The following MFF variants were observed in gnomAD, a reference collection of about 807,000 sequenced individuals.
MFF encodes the protein chromosome 2 open reading frame 33.
MFF carries 12 observed loss-of-function variants against 36.9 expected under a neutral mutation model. That is an observed-to-expected ratio of 0.33 (90% CI 0.21 to 0.53). The LOEUF is 0.53. Ranked by LOEUF, MFF falls within the 20% of genes least tolerant of loss-of-function variation. MFF has a pLI of 0.95. For missense variants in MFF, 348 were observed against 366.6 expected (o/e 0.95, Z 0.42); for synonymous variants, 99 against 126.2 (o/e 0.78, Z 1.44).
At chr2:227,329,819 A>T in intron 2 of MFF, 1 of 1,397,320 alleles carries the variant, frequency 7.2e-7, no homozygotes, top group African/African-American at 2.0e-5. Flanking sequence ...CTGGTATTAT[A>T]GGTTTGAGAG....
chr2:227,331,520 T>C (rs2074569061), intron 3 of MFF, among the ~76,000 whole-genome samples: 1 of 152,250 alleles, frequency 6.6e-6, no homozygotes, highest in Admixed American at 6.5e-5. Flanking sequence ...TTCATATCTT[T>C]AGGAGTGAAA....
chr2:227,328,313 A>C lies in MFF; in HGVS notation c.-152-365A>C, dbSNP rs1244509932. ...CGGGTGACAAAAAAAAAAAAAAAAAAAAAAAAACCAATTCATTTGTTCTTC... is the reference window on the plus strand; with the variant it reads ...CGGGTGACAAAAAAAAAAAAAAAAACAAAAAAACCAATTCATTTGTTCTTC... On this transcript the variant is annotated intron_variant, in intron 1 of 8. Transcript: ENST00000304593. Among the ~76,000 whole-genome samples the C allele has an allele frequency of 8.8e-5, 13 of 148,216 alleles. No individual in the cohort carries two copies. The East Asian group carries it at 2.4e-3, about 27-fold the overall frequency.
At chr2:227,329,919 G>A (rs1381740824) in intron 2 of MFF, 4 of 388,816 alleles carry the variant, frequency 1.0e-5, no homozygotes, top group Admixed American at 8.1e-5. Flanking sequence ...TCTTTCTACT[G>A]CATTAAAAAA....
intron 8 of MFF, 123 bp from the exon 9 acceptor site, chr2:227,356,863 T>A: frequency 1.3e-6 from 1 of 782,674 alleles, no homozygotes; most frequent in Non-Finnish European, 2.0e-6. Context: ...CAAATGAAAC[T>A]TTCCATGTTT....
intron 6 of MFF, 72 bp downstream of exon 6, chr2:227,347,456 GTCTT>G (rs1283405466): frequency 4.6e-6 from 6 of 1,296,078 alleles, no homozygotes; most frequent in African/African-American, 4.4e-5. Flanking sequence ...GGACTGTGGT[GTCTT>G]TCTTTTCTGT....
rs541367349 is a variant in MFF at position 227,329,647 on chromosome 2, A to G, written c.-41+858A>G. On this transcript the variant is annotated intron_variant, in intron 2 of 8. Transcript: ENST00000304593. ...CGTGTTGTTATGTACACCTCCAAAA[A>G]AAGTTCAAATGTGTAGGGGAATTGT... is the stretch of plus-strand genomic sequence containing the variant. The G allele has an allele frequency of 2.3e-5, 20 of 852,358 alleles. No homozygotes were observed. In the Admixed American group the frequency reaches 3.1e-4, roughly 13 times the overall value. The allele number at this position is 852,358 out of a possible 1,614,324, so 52.8% of individuals were successfully genotyped here.
chr2:227,354,550 TATTA>T (rs2076167072), intron 7 of MFF, among the ~76,000 whole-genome samples: 1 of 152,240 alleles, frequency 6.6e-6, no homozygotes, highest in Non-Finnish European at 1.5e-5. Flanking sequence ...TCAATGAAGC[TATTA>T]ATTAAACTAA....
chr2:227,332,491 T>G lies in MFF; in HGVS notation c.254T>G (p.Leu85Arg). Residue 85 changes from leucine (L) to arginine (R), a missense_variant, in exon 4 of 9, where the codon CTG becomes CGG. Physicochemically the swap from Leu to Arg is moderately radical, Grantham distance 102. Coordinates refer to ENST00000304593, the MANE Select transcript of MFF (RefSeq NM_001277062.2). ...DLIQSTPFKP[L>R]ALKTPPRVLT... is the part of the protein sequence containing the mutation. ...ATTCAGTCAACTCCCTTTAAACCCCTGGCACTGAAAACACCACCTCGTGTA... is the reference window on the plus strand; with the variant it reads ...ATTCAGTCAACTCCCTTTAAACCCCGGGCACTGAAAACACCACCTCGTGTA... The G allele has an allele frequency of 6.2e-7, 1 of 1,613,790 alleles. No individual in the cohort carries two copies. Among genetic ancestry groups the G allele is most frequent in the Non-Finnish European group, 8.5e-7 (1 of 1,179,734 alleles).
At chr2:227,335,570 G>A (rs1317963371) in intron 4 of MFF, among the ~76,000 whole-genome samples, 1 of 152,040 alleles carries the variant, frequency 6.6e-6, no homozygotes, top group East Asian at 1.9e-4. Context: ...TTCTCTACAG[G>A]GCAAGATCAC....
chr2:227,332,271 C>T, intron 3 of MFF, 148 bp from the exon 4 acceptor site: 1 of 636,732 alleles, frequency 1.6e-6, no homozygotes, highest in East Asian at 3.1e-5. Flanking sequence ...CGCGCCCGGC[C>T]TGGAAGCATA....
intron 6 of MFF, 111 bp from the exon 7 acceptor site, chr2:227,352,403 T>TTTCA: frequency 1.7e-5 from 13 of 778,820 alleles, no homozygotes; most frequent in Non-Finnish European, 2.9e-5. Flanking sequence ...TGTATTGAAA[T>TTTCA]ATACAATATA....
chr2:227,350,523 AT>A (rs1251844571), intron 6 of MFF, among the ~76,000 whole-genome samples: 1 of 152,142 alleles, frequency 6.6e-6, no homozygotes, highest in African/African-American at 2.4e-5. Context: ...TGTATGAATA[AT>A]TTATATTTTT....
intron 1 of MFF, among the ~76,000 whole-genome samples, chr2:227,325,882 G>C (rs2074068804): frequency 6.6e-6 from 1 of 152,150 alleles, no homozygotes; most frequent in Non-Finnish European, 1.5e-5. Flanking sequence ...TTTTTGTGTT[G>C]TTTTGTGGCA....
intron 2 of MFF, 91 bp from the exon 3 acceptor site, chr2:227,330,533 GCT>G: frequency 1.3e-6 from 1 of 772,116 alleles, no homozygotes; most frequent in South Asian, 2.1e-5. Flanking sequence ...GTTTCCTTTC[GCT>G]CTTTCTATAA....
At chr2:227,353,871 C>T (rs1190885817) in intron 7 of MFF, among the ~76,000 whole-genome samples, 3 of 152,092 alleles carry the variant, frequency 2.0e-5, no homozygotes, top group Non-Finnish European at 4.4e-5. Flanking sequence ...ACAATTGCTT[C>T]TGTTTGATTT....
intron 4 of MFF, 82 bp downstream of exon 4, chr2:227,332,670 C>A: frequency 3.0e-6 from 3 of 1,013,032 alleles, no homozygotes; most frequent in Admixed American, 2.6e-5. Context: ...TTTATCATAT[C>A]TTTAGCAATA....
chr2:227,333,926 T>C (rs1047883730), intron 4 of MFF, among the ~76,000 whole-genome samples: 1 of 152,226 alleles, frequency 6.6e-6, no homozygotes, highest in Non-Finnish European at 1.5e-5. Flanking sequence ...GAAGAAAGTT[T>C]GCCGGGATTT....
chr2:227,338,095 T>C (rs142476522), intron 4 of MFF, among the ~76,000 whole-genome samples: 4 of 149,954 alleles, frequency 2.7e-5, no homozygotes, highest in African/African-American at 9.8e-5. Context: ...AGGCCGGGCA[T>C]GGTGGCTCAC....
At chr2:227,338,844 C>CAAA (rs71299675) in intron 4 of MFF, among the ~76,000 whole-genome samples, 2 of 143,830 alleles carry the variant, frequency 1.4e-5, no homozygotes, top group Non-Finnish European at 3.0e-5. Context: ...CAAAAAAAAA[C>CAAA]AAAAAAAAAA....
Sources: allele counts gnomAD v4.1 joint callset (sites outside exome capture counted in the v4.1 genomes callset), GRCh38; gene constraint gnomAD v4.1.1; transcripts MANE v1.5; gene names NCBI Gene and HGNC (gene_info 2026-07-23, HGNC 2026-07-21).